ODR4: variants seen among roughly 807,000 people sequenced by gnomAD.
ODR4 encodes protein odr-4 homolog.
In ODR4, 47 loss-of-function variants were observed where a neutral mutation model predicts 60.2. The observed-to-expected ratio is 0.78, with a 90% CI of 0.62 to 1.00. The LOEUF (loss-of-function observed/expected upper bound fraction) is 1.00. Among genes scored for constraint, ODR4 ranks in the 50% least tolerant of loss-of-function variants. The pLI, the probability that ODR4 is intolerant of heterozygous loss-of-function variation, is 0.00. For missense variants in ODR4, 488 were observed against 530.8 expected (o/e 0.92, Z 0.79); for synonymous variants, 178 against 175.5 (o/e 1.01, Z -0.11).
At chr1:186,412,616 T>C (rs899504204) in intron 12 of ODR4, among the ~76,000 whole-genome samples, 2 of 152,166 alleles carry the variant, frequency 1.3e-5, no homozygotes, top group Non-Finnish European at 2.9e-5. Flanking sequence ...ATAAACATCC[T>C]ATTTTTTTTA....
chr1:186,434,587 A>G, the ODR4 span, among the ~76,000 whole-genome samples: 2 of 152,232 alleles, frequency 1.3e-5, no homozygotes, highest in African/African-American at 2.4e-5. Flanking sequence ...AAAGAAAATT[A>G]AAAATCCTCA....
chr1:186,386,565 GTTGTAAAAAAGGCATCT>G (rs560933069), intron 4 of ODR4, among the ~76,000 whole-genome samples: 15 of 152,112 alleles, frequency 9.9e-5, no homozygotes, highest in Non-Finnish European at 1.3e-4. Context: ...CTAATAATTT[GTTGTAAAAAAGGCATCT>G]TTGTGGAAGT....
At chr1:186,417,350 C>G in intron 12 of ODR4, 194 bp from the exon 13 acceptor site, 1 of 505,090 alleles carries the variant, frequency 2.0e-6, no homozygotes, top group Non-Finnish European at 3.5e-6. Context: ...GTTTTGAAAA[C>G]TGTTAATTTG....
chr1:186,402,911 T>C (rs575617431), intron 11 of ODR4, among the ~76,000 whole-genome samples: 11 of 152,176 alleles, frequency 7.2e-5, no homozygotes, highest in Non-Finnish European at 1.3e-4. Context: ...ATAGGAATTA[T>C]GGTACCTACT....
At chr1:186,428,211 T>C in the ODR4 span, among the ~76,000 whole-genome samples, 1 of 152,232 alleles carries the variant, frequency 6.6e-6, no homozygotes. Context: ...TTAATCTACA[T>C]TGAAAATCTA....
intron 8 of ODR4, among the ~76,000 whole-genome samples, chr1:186,393,409 T>A (rs541999749): frequency 6.6e-6 from 1 of 152,376 alleles, no homozygotes; most frequent in Admixed American, 6.5e-5. Context: ...AGGCCACATG[T>A]TGTTCTGCCC....
chr1:186,415,909 A>C (rs747634278), intron 12 of ODR4, among the ~76,000 whole-genome samples: 6 of 152,208 alleles, frequency 3.9e-5, no homozygotes, highest in Non-Finnish European at 7.3e-5. Context: ...TATGTTTTCC[A>C]TTTGTAAAAT....
chr1:186,416,945 A>G (rs555067508), intron 12 of ODR4, among the ~76,000 whole-genome samples: 7 of 151,532 alleles, frequency 4.6e-5, no homozygotes, highest in Non-Finnish European at 1.0e-4. Flanking sequence ...CTACTACTAT[A>G]TAGTAAACAA....
chr1:186,390,709 A>G lies in ODR4; in HGVS notation c.475-2A>G. On this transcript the variant is annotated splice_acceptor_variant, in intron 6 of 13. Transcript: ENST00000287859. LOFTEE classifies it high-confidence loss of function. ...TTATTTTTCTCCCTTCTCCACTGCT[A>G]GAGTTCAGCAAGACCAGCAGATTGG... 1 of 1,613,300 alleles carries G rather than the reference A, an allele frequency of 6.2e-7. No individual in the cohort carries two copies. Among genetic ancestry groups the G allele is most frequent in the Non-Finnish European group, 8.5e-7 (1 of 1,179,512 alleles).
rs1659960137 is a variant in ODR4 at position 186,379,886 on chromosome 1, T to C, written c.99+2T>C. Reference sequence around the variant, plus strand: ...GTCTCTGGCCTTTTAATAGGACAGGTATGTATCTTTTACTCTGCATTTATA... The same window carrying C: ...GTCTCTGGCCTTTTAATAGGACAGGCATGTATCTTTTACTCTGCATTTATA... On this transcript the variant is annotated splice_donor_variant, in intron 2 of 13. Transcript: ENST00000287859. LOFTEE classifies it high-confidence loss of function. 1 of 1,517,558 alleles carries C rather than the reference T, an allele frequency of 6.6e-7. No homozygotes were observed. Among genetic ancestry groups the C allele is most frequent in the East Asian group, 2.3e-5 (1 of 43,360 alleles). The allele number at this position is 1,517,558 out of a possible 1,614,324, so 94.0% of individuals were successfully genotyped here. A position where few individuals can be genotyped will look rare whatever the true frequency, so the allele number is the denominator to read the frequency against.
intron 8 of ODR4, among the ~76,000 whole-genome samples, chr1:186,393,103 C>T (rs1465241679): frequency 6.6e-6 from 1 of 152,064 alleles, no homozygotes; most frequent in East Asian, 1.9e-4. Flanking sequence ...GATGAAAACA[C>T]ATGGACACAT....
At chr1:186,400,734 CTA>C (rs1329684660) in intron 11 of ODR4, 1 of 264,134 alleles carries the variant, frequency 3.8e-6, no homozygotes, top group African/African-American at 2.3e-5. Flanking sequence ...ATGCTGGATT[CTA>C]TGATTGGCAG....
chr1:186,428,276 C>T, the ODR4 span, among the ~76,000 whole-genome samples: 1 of 152,198 alleles, frequency 6.6e-6, no homozygotes, highest in Non-Finnish European at 1.5e-5. Context: ...TAACTTGCTG[C>T]AGCTTCTACA....
intron 1 of ODR4, among the ~76,000 whole-genome samples, chr1:186,378,175 T>C (rs2102008082): frequency 6.6e-6 from 1 of 152,354 alleles, no homozygotes; most frequent in East Asian, 1.9e-4. Flanking sequence ...CTCTGGGCTT[T>C]AGTTTTAAAA....
intron 13 of ODR4, 141 bp from the exon 14 acceptor site, chr1:186,418,868 A>C (rs1479783203): frequency 1.5e-6 from 1 of 676,742 alleles, no homozygotes; most frequent in Middle Eastern, 2.5e-4. Context: ...TAGTATATAC[A>C]TATGTATGTC....
chr1:186,407,292 T>A (rs892827824), intron 12 of ODR4, among the ~76,000 whole-genome samples: 14 of 152,142 alleles, frequency 9.2e-5, no homozygotes, highest in African/African-American at 3.1e-4. Flanking sequence ...AAGATATAAC[T>A]GTAGCAGATG....
chr1:186,400,237 G>A (rs1244182750), intron 11 of ODR4, among the ~76,000 whole-genome samples: 10 of 150,556 alleles, frequency 6.6e-5, no homozygotes, highest in Admixed American at 1.3e-4. Flanking sequence ...TGATCCGCCC[G>A]TCTCGGCCTC....
At chr1:186,384,644 T>C (rs1049190776) in intron 3 of ODR4, among the ~76,000 whole-genome samples, 1 of 151,510 alleles carries the variant, frequency 6.6e-6, no homozygotes, top group East Asian at 1.9e-4. Flanking sequence ...AGCTTAACCT[T>C]TTACCTCTAG....
chr1:186,419,154 A>G lies in ODR4; in HGVS notation c.*78A>G. ...TGAATAATAAAGATGTTAACAATCCATCTGTATTTAAAACACTAGCAGCCA... is the reference window on the plus strand; with the variant it reads ...TGAATAATAAAGATGTTAACAATCCGTCTGTATTTAAAACACTAGCAGCCA... On this transcript the variant is annotated 3_prime_UTR_variant, in exon 14 of 14. Coordinates refer to ENST00000287859, the MANE Select transcript of ODR4 (RefSeq NM_017847.6). The G allele has an allele frequency of 1.6e-6, 2 of 1,287,036 alleles. No homozygotes were observed. Among genetic ancestry groups the G allele is most frequent in the Admixed American group, 2.0e-5 (1 of 50,844 alleles). 79.7% of individuals were successfully genotyped at this position (1,287,036 alleles called of 1,614,324 possible).
Sources: gnomAD v4.1 joint callset for allele counts (sites outside exome capture counted in the v4.1 genomes callset) on GRCh38, gnomAD v4.1.1 for gene constraint, MANE v1.5 for transcripts, NCBI Gene and HGNC (gene_info 2026-07-23, HGNC 2026-07-21) for gene names.